LDAH: variants seen among roughly 807,000 people sequenced by gnomAD.
LDAH encodes the protein lipid droplet-associated hydrolase.
Under a neutral mutation model 29.6 loss-of-function variants are expected in LDAH, and 26 were observed. The observed-to-expected ratio is 0.88, with a 90% CI of 0.64 to 1.22. The LOEUF is 1.22. Ranked by LOEUF, LDAH falls within the 50% of genes most tolerant of loss-of-function variation. The pLI, the probability that LDAH is intolerant of heterozygous loss-of-function variation, is 0.00. For synonymous variants in LDAH, 117 were observed against 133.0 expected (o/e 0.88, Z 0.83); for missense variants, 344 against 387.3 (o/e 0.89, Z 0.94).
chr2:20,725,935 C>G (rs1665983445), intron 5 of LDAH, among the ~76,000 whole-genome samples: 1 of 152,174 alleles, frequency 6.6e-6, no homozygotes, highest in Non-Finnish European at 1.5e-5. Flanking sequence ...AAACATACGA[C>G]CCATGTCCCA....
At chr2:20,798,383 C>T (rs966060279) in intron 2 of LDAH, among the ~76,000 whole-genome samples, 1 of 152,002 alleles carries the variant, frequency 6.6e-6, no homozygotes, top group African/African-American at 2.4e-5. Context: ...ACTGATGACT[C>T]AAATGCATTG....
intron 4 of LDAH, among the ~76,000 whole-genome samples, chr2:20,748,660 T>C (rs1667748854): frequency 6.6e-6 from 1 of 152,228 alleles, no homozygotes; most frequent in Admixed American, 6.5e-5. Flanking sequence ...GAAGCACCTG[T>C]TATTTTGAAT....
At chr2:20,751,654 C>T (rs1667980529) in intron 4 of LDAH, among the ~76,000 whole-genome samples, 1 of 152,142 alleles carries the variant, frequency 6.6e-6, no homozygotes, top group Admixed American at 6.5e-5. Flanking sequence ...TCCCATTCAT[C>T]CATTGATTTC....
intron 4 of LDAH, among the ~76,000 whole-genome samples, chr2:20,765,103 A>G (rs535825611): frequency 4.6e-5 from 7 of 152,348 alleles, no homozygotes; most frequent in Admixed American, 4.6e-4. Flanking sequence ...AAAGACATAA[A>G]TATTAAGAAA....
chr2:20,719,485 A>ATAC (rs1418499315), intron 5 of LDAH, among the ~76,000 whole-genome samples: 1 of 152,090 alleles, frequency 6.6e-6, no homozygotes, highest in Non-Finnish European at 1.5e-5. Flanking sequence ...AATAATAATA[A>ATAC]TAAGTCTCCC....
intron 5 of LDAH, among the ~76,000 whole-genome samples, chr2:20,716,727 T>TAC (rs200341171): frequency 6.9e-6 from 1 of 144,820 alleles, no homozygotes; most frequent in Non-Finnish European, 1.5e-5. Flanking sequence ...TAAGTATATA[T>TAC]ACATATATAT....
chr2:20,761,030 C>A (rs1381867704), intron 4 of LDAH, among the ~76,000 whole-genome samples: 2 of 152,180 alleles, frequency 1.3e-5, no homozygotes, highest in African/African-American at 4.8e-5. Context: ...TTCAACTATT[C>A]CGAGACCATA....
intron 5 of LDAH, among the ~76,000 whole-genome samples, chr2:20,738,646 C>T (rs149816101): frequency 2.0e-5 from 3 of 152,214 alleles, no homozygotes; most frequent in Non-Finnish European, 2.9e-5. Context: ...CAACCTCTGG[C>T]AATTTCTATG....
chr2:20,764,327 T>G lies in LDAH; in HGVS notation c.468+10483A>C, dbSNP rs183029217. Among the ~76,000 whole-genome samples the G allele has an allele frequency of 2.8e-4, 43 of 152,154 alleles. No individual in the cohort carries two copies. The East Asian group carries it at 6.8e-3, about 24-fold the overall frequency. ...ATGGAAAATCTTTCAGAAATCAGAG[T>G]AGTTAGGTGCTGATTGTCTAAGCCT... On this transcript the variant is annotated intron_variant, in intron 4 of 6. Coordinates refer to ENST00000237822, the MANE Select transcript of LDAH (RefSeq NM_021925.4).
Position 20,687,052 on chromosome 2 carries a change from C to A in LDAH, c.829G>T (p.Glu277Ter). Reference protein sequence around the residue: ...YGTIDPWCPKEYYEDIKKDFP... With the variant: ...YGTIDPWCPK ...TCCTTCTTAATGTCTTCATAGTACT[C>A]TTTTGGACACCAAGGATCTATAGTA... The change falls in exon 7 of 7, where the codon GAG becomes TAG. Residue 277 changes from glutamate (E) to a stop codon, truncating the protein, a stop_gained. Coordinates refer to ENST00000237822, the MANE Select transcript of LDAH (RefSeq NM_021925.4). LOFTEE classifies it high-confidence loss of function. 2 of 1,613,854 alleles carry A rather than the reference C, an allele frequency of 1.2e-6. No individual in the cohort carries two copies. The highest frequency in any genetic ancestry group is 2.2e-5 in the South Asian group (2 of 90,986).
chr2:20,744,025 T>C (rs989368619), intron 4 of LDAH, among the ~76,000 whole-genome samples: 1 of 152,010 alleles, frequency 6.6e-6, no homozygotes, highest in African/African-American at 2.4e-5. Context: ...TTTACGGTGT[T>C]TTTACTCTCT....
At chr2:20,821,377 C>T (rs1299158202) in intron 1 of LDAH, among the ~76,000 whole-genome samples, 1 of 152,174 alleles carries the variant, frequency 6.6e-6, no homozygotes, top group African/African-American at 2.4e-5. Flanking sequence ...AAACGTCCAA[C>T]AATGATAGAC....
chr2:20,820,022 A>G lies in LDAH; in HGVS notation c.-3+3015T>C, dbSNP rs915601898. On this transcript the variant is annotated intron_variant, in intron 1 of 6. Transcript: ENST00000237822. The stretch of plus-strand genomic sequence containing the variant: ...GTGAACTCCCATTCACAATTGCTTC[A>G]AAGAGAACAAAATACCTAGGAATCC... Among the ~76,000 whole-genome samples, 202 of 151,926 alleles carry G rather than the reference A, an allele frequency of 1.3e-3. 3 individuals are homozygous for G. In the South Asian group the frequency reaches 0.037, roughly 28 times the overall value.
At chr2:20,688,235 T>A (rs1426316787) in intron 6 of LDAH, among the ~76,000 whole-genome samples, 1 of 152,198 alleles carries the variant, frequency 6.6e-6, no homozygotes, top group African/African-American at 2.4e-5. Flanking sequence ...CCAGAGTTGA[T>A]GCCTCAGTTG....
rs746757430 is a variant in LDAH at position 20,801,300 on chromosome 2, T to C, written c.154+10A>G. The stretch of plus-strand genomic sequence containing the variant: ...ACAAAAAGTCTCCTCACCCAGACTT[T>C]TACGCTCACCAGGAATAATGAAAAT... On this transcript the variant is annotated intron_variant, in intron 2 of 6. Coordinates refer to ENST00000237822, the MANE Select transcript of LDAH (RefSeq NM_021925.4). 5.0e-6 allele frequency: 8 copies of C among 1,610,792 alleles called. No individual in the cohort carries two copies. In the South Asian group the frequency reaches 8.9e-5, roughly 18 times the overall value.
intron 2 of LDAH, among the ~76,000 whole-genome samples, chr2:20,797,024 C>T (rs1482690754): frequency 6.6e-6 from 1 of 152,138 alleles, no homozygotes; most frequent in Non-Finnish European, 1.5e-5. Context: ...TTTCTCTATC[C>T]TATGCTATAA....
intron 3 of LDAH, among the ~76,000 whole-genome samples, chr2:20,783,647 T>C (rs1411723474): frequency 6.6e-6 from 1 of 152,226 alleles, no homozygotes; most frequent in Non-Finnish European, 1.5e-5. Context: ...TATCTCTGTA[T>C]ATCCCTTTAC....
Position 20,787,658 on chromosome 2 carries a change from A to T in LDAH, c.298+2597T>A, listed in dbSNP as rs149163290. Among the ~76,000 whole-genome samples the T allele has an allele frequency of 7.6e-4, 115 of 152,306 alleles. No homozygotes were observed. In the East Asian group the frequency reaches 0.017, roughly 23 times the overall value. ...CCAAGTTCTACATGTCAGAGCTGAA[A>T]CTGGAAGTCCACTATTTATTTTTAA... On this transcript the variant is annotated intron_variant, in intron 3 of 6. Transcript: ENST00000237822.
chr2:20,729,888 T>C (rs1258632121), intron 5 of LDAH, among the ~76,000 whole-genome samples: 2 of 152,154 alleles, frequency 1.3e-5, no homozygotes, highest in Non-Finnish European at 2.9e-5. Flanking sequence ...CTTGAACTCC[T>C]AGGCTCAAGC....
Sources: gnomAD v4.1 joint callset for allele counts (sites outside exome capture counted in the v4.1 genomes callset) on GRCh38, gnomAD v4.1.1 for gene constraint, MANE v1.5 for transcripts, NCBI Gene and HGNC (gene_info 2026-07-23, HGNC 2026-07-21) for gene names.